MAP3K2: variants seen among roughly 807,000 people sequenced by gnomAD.
MAP3K2 encodes the protein MAP/ERK kinase kinase 2.
Under a neutral mutation model 80.3 loss-of-function variants are expected in MAP3K2, and 24 were observed. That is an observed-to-expected ratio of 0.30 (90% confidence interval 0.22 to 0.42). The LOEUF (loss-of-function observed/expected upper bound fraction) is 0.42, where lower values mean the gene tolerates loss of function less well. Among genes scored for constraint, MAP3K2 ranks in the 10% least tolerant of loss-of-function variants. The probability of loss-of-function intolerance (pLI) is 1.00; values close to 1 mark genes in which losing one functional copy is unlikely to be tolerated. For synonymous variants in MAP3K2, 244 were observed against 253.7 expected, an observed-to-expected ratio of 0.96 and a Z score of 0.36; for missense variants, 608 against 750.1, an observed-to-expected ratio of 0.81 and a Z score of 2.21.
upstream of MAP3K2, chr2:127,388,113 C>A (rs953998367): frequency 1.1e-4 from 107 of 984,664 alleles, no homozygotes; most frequent in Non-Finnish European, 1.3e-4. Context: ...CCCGCCACGC[C>A]CACACACAGG....
chr2:127,373,834 C>A (rs192758226), intron 1 of MAP3K2, among the ~76,000 whole-genome samples: 81 of 152,278 alleles, frequency 5.3e-4, no homozygotes, highest in African/African-American at 1.9e-3. Flanking sequence ...GGTTATGACC[C>A]TGATATCATC....
intron 1 of MAP3K2, among the ~76,000 whole-genome samples, chr2:127,350,246 T>C (rs534789826): frequency 1.3e-5 from 2 of 152,130 alleles, no homozygotes; most frequent in Admixed American, 6.5e-5. Context: ...ATTCCACTTA[T>C]CAAATATGGG....
rs141540227 is a variant in MAP3K2 at position 127,356,860 on chromosome 2, A to T, written c.-65-13666T>A. On this transcript the variant is annotated intron_variant, in intron 1 of 16. Transcript: ENST00000682094. ...AAAACCTCAAAAGCACAGGCAACAAAAACAAAAATAGACAGACGGGACTTA... is the reference window on the plus strand; with the variant it reads ...AAAACCTCAAAAGCACAGGCAACAATAACAAAAATAGACAGACGGGACTTA... 2.3e-3 allele frequency among the ~76,000 whole-genome samples: 353 copies of T among 152,312 alleles called. 1 individual carries two copies. The highest frequency in any genetic ancestry group is 7.7e-3 in the African/African-American group (320 of 41,548).
At chr2:127,354,965 C>T (rs1027059202) in intron 1 of MAP3K2, among the ~76,000 whole-genome samples, 3 of 152,016 alleles carry the variant, frequency 2.0e-5, no homozygotes, top group Admixed American at 6.6e-5. Context: ...GTAAATCAGA[C>T]ATCGGAGAAA....
intron 15 of MAP3K2, among the ~76,000 whole-genome samples, chr2:127,313,127 A>G (rs747818829): frequency 1.3e-5 from 2 of 152,114 alleles, no homozygotes; most frequent in Non-Finnish European, 2.9e-5. Flanking sequence ...TCTTATCAAT[A>G]TATTTGCCCT....
chr2:127,331,762 C>T (rs572041661), intron 5 of MAP3K2, among the ~76,000 whole-genome samples: 4 of 152,314 alleles, frequency 2.6e-5, no homozygotes, highest in East Asian at 1.9e-4. Flanking sequence ...TGCACCACCA[C>T]GCGTGGCTAA....
Position 127,314,895 on chromosome 2 carries a change from G to A in MAP3K2, c.1327-12C>T. On this transcript the variant is annotated splice_polypyrimidine_tract_variant and intron_variant, in intron 14 of 16. Transcript: ENST00000682094. Reference sequence around the variant, plus strand: ...TCCTTAATTGAACCCTAGGAGAAAAGAAAACAAAAATAAAAACTACTGTAT... The same window carrying A: ...TCCTTAATTGAACCCTAGGAGAAAAAAAAACAAAAATAAAAACTACTGTAT... 3 of 1,559,660 alleles carry A rather than the reference G, an allele frequency of 1.9e-6. No individual in the cohort carries two copies. The highest frequency in any genetic ancestry group is 2.6e-6 in the Non-Finnish European group (3 of 1,149,906).
intron 1 of MAP3K2, among the ~76,000 whole-genome samples, chr2:127,377,204 A>C (rs115782038): frequency 0.014 from 2,092 of 152,312 alleles, 47 homozygotes; most frequent in African/African-American, 0.047. Context: ...CACTTCCCAT[A>C]AAATTTATTT....
At chr2:127,309,242 T>G (rs1477884791) in intron 15 of MAP3K2, among the ~76,000 whole-genome samples, 1 of 152,146 alleles carries the variant, frequency 6.6e-6, no homozygotes, top group Non-Finnish European at 1.5e-5. Flanking sequence ...TACCTTACAT[T>G]TTAGAGTTTT....
intron 5 of MAP3K2, among the ~76,000 whole-genome samples, chr2:127,334,996 T>C (rs929098448): frequency 6.6e-5 from 10 of 152,186 alleles, no homozygotes; most frequent in African/African-American, 1.9e-4. Context: ...TCTTGTTCTC[T>C]TGACCTTGTG....
Position 127,322,373 on chromosome 2 carries a change from T to C in MAP3K2, c.839-121A>G, listed in dbSNP as rs370905033. The C allele has an allele frequency of 1.6e-6, 1 of 616,208 alleles. No homozygotes were observed. The highest frequency in any genetic ancestry group is 2.8e-6 in the Non-Finnish European group (1 of 355,758). 38.2% of individuals were successfully genotyped at this position (616,208 alleles called of 1,614,324 possible). On this transcript the variant is annotated intron_variant, in intron 11 of 16. Transcript: ENST00000682094. The surrounding 1 kb of genome is among the most constrained non-coding windows in gnomAD (Gnocchi z 4.2). ...CTGTGACTAGGCTAAGAAACTCAAA[T>C]AGGAATGATTGGGTGGGAAAAAATA...
intron 1 of MAP3K2, among the ~76,000 whole-genome samples, chr2:127,354,010 A>G (rs1037782705): frequency 3.9e-5 from 6 of 151,976 alleles, no homozygotes; most frequent in Non-Finnish European, 7.4e-5. Flanking sequence ...AGGGCGGTAC[A>G]AGATGTGCTT....
chr2:127,331,652 C>A (rs1181806213), intron 5 of MAP3K2, among the ~76,000 whole-genome samples: 1 of 152,234 alleles, frequency 6.6e-6, no homozygotes. Flanking sequence ...CACTGTCATT[C>A]AGGCTGGAGT....
At chr2:127,337,027 A>G (rs562355436) in intron 4 of MAP3K2, among the ~76,000 whole-genome samples, 1 of 152,252 alleles carries the variant, frequency 6.6e-6, no homozygotes, top group Admixed American at 6.5e-5. Flanking sequence ...CTGCAATCCC[A>G]GCTACTCAGG....
Position 127,316,524 on chromosome 2 carries a change from T to G in MAP3K2, c.1326+1105A>C, listed in dbSNP as rs12624118. Reference sequence around the variant, plus strand: ...TATAACTCCTAATGAAATTATAGACTCTAGTGATGACTATCAATCAGTGCT... The same window carrying G: ...TATAACTCCTAATGAAATTATAGACGCTAGTGATGACTATCAATCAGTGCT... On this transcript the variant is annotated intron_variant, in intron 14 of 16. Transcript: ENST00000682094. 1.4e-3 allele frequency among the ~76,000 whole-genome samples: 218 copies of G among 152,300 alleles called. 11 individuals carry two copies. In the East Asian group the frequency reaches 0.035, roughly 25 times the overall value.
At chr2:127,309,116 A>G (rs1251734005) in intron 15 of MAP3K2, among the ~76,000 whole-genome samples, 4 of 152,230 alleles carry the variant, frequency 2.6e-5, no homozygotes, top group African/African-American at 7.2e-5. Context: ...TCTCTATCAT[A>G]AAGCAAGAAG....
intron 1 of MAP3K2, among the ~76,000 whole-genome samples, chr2:127,377,531 GTGGGAATGTTAGGAACCTT>G (rs1267974472): frequency 6.6e-6 from 1 of 152,158 alleles, no homozygotes; most frequent in African/African-American, 2.4e-5. Flanking sequence ...TGTGGAGGCA[GTGGGAATGTTAGGAACCTT>G]TGCTCTAACT....
chr2:127,350,767 C>T (rs972279061), intron 1 of MAP3K2, among the ~76,000 whole-genome samples: 12 of 151,588 alleles, frequency 7.9e-5, no homozygotes, highest in African/African-American at 2.7e-4. Flanking sequence ...AAAAAAGTAC[C>T]CTTTCTAGTG....
rs550436783 is a variant in MAP3K2 at position 127,371,027 on chromosome 2, G to A, written c.-66+16425C>T. ...TTAGCCTGCCCAGTAATGCAAGAAC[G>A]ACAATGCAATCAGGTACATGAACCC... is the stretch of plus-strand genomic sequence containing the variant. On this transcript the variant is annotated intron_variant, in intron 1 of 16. Transcript: ENST00000682094. Among the ~76,000 whole-genome samples the A allele has an allele frequency of 5.9e-5, 9 of 152,282 alleles. No individual in the cohort carries two copies. The South Asian group carries it at 6.2e-4, about 11-fold the overall frequency.
Sources: allele counts gnomAD v4.1 joint callset (sites outside exome capture counted in the v4.1 genomes callset), GRCh38; gene constraint gnomAD v4.1.1; non-coding constraint Gnocchi (gnomAD v3.1); transcripts MANE v1.5; gene names NCBI Gene and HGNC (gene_info 2026-07-23, HGNC 2026-07-21).